GPCPD1: variants seen among roughly 807,000 people sequenced by gnomAD.
GPCPD1 encodes the protein glycerophosphocholine phosphodiesterase 1.
A neutral mutation model predicts 89.2 loss-of-function variants in GPCPD1; 29 were observed. That is an observed-to-expected ratio of 0.33 (90% CI 0.24 to 0.44). The LOEUF is 0.44. GPCPD1 is among the 20% of genes least tolerant of loss of function. The probability of loss-of-function intolerance (pLI) is 1.00; values close to 1 mark genes in which losing one functional copy is unlikely to be tolerated. For missense variants in GPCPD1, 594 were observed against 808.9 expected (o/e 0.73, Z 3.22); for synonymous variants, 258 against 266.3 (o/e 0.97, Z 0.30).
At chr20:5,552,415 A>G (rs1985470516) in intron 19 of GPCPD1, among the ~76,000 whole-genome samples, 2 of 152,258 alleles carry the variant, frequency 1.3e-5, no homozygotes, top group African/African-American at 4.8e-5. Context: ...AGCACCTGTT[A>G]TATCATGTAT....
intron 4 of GPCPD1, 28 bp from the exon 5 acceptor site, chr20:5,586,297 A>G (rs751027859): frequency 4.1e-6 from 5 of 1,221,780 alleles, no homozygotes; most frequent in Non-Finnish European, 2.4e-6. Context: ...AACGTCTGCA[A>G]TAATTTCTTA....
chr20:5,554,253 G>GC (rs1985616968), intron 19 of GPCPD1, among the ~76,000 whole-genome samples: 1 of 87,216 alleles, frequency 1.1e-5, no homozygotes, highest in Non-Finnish European at 2.3e-5. Flanking sequence ...CAGAGTGCTG[G>GC]GATTACAGGC....
intron 3 of GPCPD1, among the ~76,000 whole-genome samples, chr20:5,596,672 A>G (rs887288856): frequency 4.6e-5 from 7 of 152,228 alleles, no homozygotes; most frequent in African/African-American, 1.7e-4. Flanking sequence ...TCTAGCTGCC[A>G]TGAGCCTGTG....
chr20:5,558,650 AC>A (rs1424253783), intron 18 of GPCPD1, 33 bp downstream of exon 18: 1 of 1,296,724 alleles, frequency 7.7e-7, no homozygotes, highest in African/African-American at 1.5e-5. Flanking sequence ...AGAAAACAGA[AC>A]ATTAAAAAGA....
At position 5,583,497 on chromosome 20, in the gene GPCPD1, G is replaced by A. The variant is rs117466120; in HGVS notation, c.349+784C>T. 0.015 allele frequency among the ~76,000 whole-genome samples: 2,242 copies of A among 151,618 alleles called. 102 individuals carry two copies. The East Asian group carries it at 0.16, about 11-fold the overall frequency. On this transcript the variant is annotated intron_variant, in intron 6 of 19. Coordinates refer to ENST00000379019, the MANE Select transcript of GPCPD1 (RefSeq NM_019593.5). ...TCAGGGTCGGAGGCTGCAGTGAGCC[G>A]AGACTGCACCACTGCACTCCAGCCT... is the stretch of plus-strand genomic sequence containing the variant.
intron 12 of GPCPD1, chr20:5,567,837 A>C (rs1986481090): frequency 3.6e-6 from 1 of 281,088 alleles, no homozygotes. Context: ...GTAGCGCTGA[A>C]GACAGCTGAG....
At chr20:5,610,435 G>A (rs1268646672) in intron 1 of GPCPD1, among the ~76,000 whole-genome samples, 1 of 152,072 alleles carries the variant, frequency 6.6e-6, no homozygotes, top group Non-Finnish European at 1.5e-5. Flanking sequence ...GGTGAGCCGG[G>A]GGCCGCTGTG....
intron 1 of GPCPD1, among the ~76,000 whole-genome samples, chr20:5,605,168 A>C (rs577960773): frequency 1.3e-5 from 2 of 152,288 alleles, no homozygotes; most frequent in African/African-American, 4.8e-5. Context: ...ACAAGACAGA[A>C]TACATGCCCG....
At chr20:5,598,629 A>G in intron 3 of GPCPD1, 96 bp downstream of exon 3, 2 of 713,714 alleles carry the variant, frequency 2.8e-6, no homozygotes, top group East Asian at 2.7e-5. Flanking sequence ...GATAAAAATT[A>G]TAACTAAAAG....
At position 5,547,366 on chromosome 20, in the gene GPCPD1, T is replaced by A. The variant is rs1473277001; in HGVS notation, c.*295A>T. 9 of 169,590 alleles carry A rather than the reference T, an allele frequency of 5.3e-5. No individual in the cohort carries two copies. The highest frequency in any genetic ancestry group is 1.5e-4 in the East Asian group (1 of 6,490). 10.5% of individuals were successfully genotyped at this position (169,590 alleles called of 1,614,324 possible). A position where few individuals can be genotyped will look rare whatever the true frequency, so the allele number is the denominator to read the frequency against. ...GCTATTTATATAGTTAATTTCAAAG[T>A]GCTATGCTTTTAATGAACATATGTT... On this transcript the variant is annotated 3_prime_UTR_variant, in exon 20 of 20. Coordinates refer to ENST00000379019, the MANE Select transcript of GPCPD1 (RefSeq NM_019593.5).
chr20:5,586,332 C>A, intron 4 of GPCPD1, 63 bp from the exon 5 acceptor site: 1 of 878,058 alleles, frequency 1.1e-6, no homozygotes, highest in African/African-American at 1.7e-5. Flanking sequence ...CCCATGACTC[C>A]ATTAGATGTT....
intron 19 of GPCPD1, among the ~76,000 whole-genome samples, chr20:5,553,345 C>T (rs1985542976): frequency 6.6e-6 from 1 of 152,164 alleles, no homozygotes; most frequent in Non-Finnish European, 1.5e-5. Context: ...ACCAGCCTCT[C>T]CCCTCCCTAA....
chr20:5,581,791 G>T (rs1247105124), intron 6 of GPCPD1, among the ~76,000 whole-genome samples: 2 of 126,554 alleles, frequency 1.6e-5, no homozygotes, highest in East Asian at 2.6e-4. Flanking sequence ...ACTTAAGAAT[G>T]CTTAATAATT....
chr20:5,579,509 A>G (rs1978324350), intron 7 of GPCPD1, among the ~76,000 whole-genome samples: 1 of 151,900 alleles, frequency 6.6e-6, no homozygotes, highest in Non-Finnish European at 1.5e-5. Flanking sequence ...CAGCATGCCC[A>G]GCTAAGTTTT....
intron 1 of GPCPD1, among the ~76,000 whole-genome samples, chr20:5,604,978 A>G (rs911201459): frequency 6.6e-6 from 1 of 152,152 alleles, no homozygotes; most frequent in African/African-American, 2.4e-5. Flanking sequence ...CAAAGTCTCA[A>G]TAAAGTTTTT....
intron 19 of GPCPD1, among the ~76,000 whole-genome samples, chr20:5,555,185 T>C (rs1368641208): frequency 1.3e-5 from 2 of 152,312 alleles, no homozygotes; most frequent in Middle Eastern, 6.8e-3. Flanking sequence ...GAATATTACA[T>C]AAACTTAGTG....
At chr20:5,558,244 A>C in intron 18 of GPCPD1, 139 bp from the exon 19 acceptor site, 1 of 516,028 alleles carries the variant, frequency 1.9e-6, no homozygotes, top group Non-Finnish European at 3.4e-6. Context: ...AATTACTTTA[A>C]CTTATTCTTT....
chr20:5,562,189 C>T (rs901626763), intron 15 of GPCPD1, among the ~76,000 whole-genome samples: 1 of 152,138 alleles, frequency 6.6e-6, no homozygotes, highest in African/African-American at 2.4e-5. Flanking sequence ...TTAGTAACCT[C>T]CAAAGAACGG....
chr20:5,560,609 G>C (rs1394754313), intron 16 of GPCPD1, among the ~76,000 whole-genome samples: 2 of 152,152 alleles, frequency 1.3e-5, no homozygotes, highest in Non-Finnish European at 2.9e-5. Context: ...TTAAGTATTA[G>C]TCACTGAAAT....
Sources: allele counts gnomAD v4.1 joint callset (sites outside exome capture counted in the v4.1 genomes callset), GRCh38; gene constraint gnomAD v4.1.1; transcripts MANE v1.5; gene names NCBI Gene and HGNC (gene_info 2026-07-23, HGNC 2026-07-21).